The following CLASP2 variants were observed in gnomAD, a reference collection of about 807,000 sequenced individuals.
CLASP2 encodes CLIP-associating protein 2.
A neutral mutation model predicts 194.4 loss-of-function variants in CLASP2; 47 were observed. That is an observed-to-expected ratio of 0.24 (90% CI 0.19 to 0.31). The LOEUF (loss-of-function observed/expected upper bound fraction) is 0.31. CLASP2 is among the 10% of genes least tolerant of loss of function. The probability of loss-of-function intolerance (pLI) is 1.00; values close to 1 mark genes in which losing one functional copy is unlikely to be tolerated. For synonymous variants in CLASP2, 619 were observed against 633.5 expected, an observed-to-expected ratio of 0.98 and a Z score of 0.34; for missense variants, 1,445 against 1,823.6, an observed-to-expected ratio of 0.79 and a Z score of 3.78.
At chr3:33,697,219 C>T (rs2092001943) in intron 1 of CLASP2, among the ~76,000 whole-genome samples, 1 of 152,160 alleles carries the variant, frequency 6.6e-6, no homozygotes, top group South Asian at 2.1e-4. Context: ...TTTACTGACT[C>T]TACAGTCATG....
intron 33 of CLASP2, among the ~76,000 whole-genome samples, chr3:33,537,641 TCTTA>T (rs375133379): frequency 4.9e-4 from 74 of 152,326 alleles, no homozygotes; most frequent in African/African-American, 1.5e-3. Flanking sequence ...GTTATAACAT[TCTTA>T]CTTAAGTGTA....
At chr3:33,576,497 C>G in intron 23 of CLASP2, 4 of 474,524 alleles carry the variant, frequency 8.4e-6, no homozygotes. Context: ...AGAACGGTCA[C>G]TATTCATTTA....
At chr3:33,525,086 C>T (rs997710379) in intron 34 of CLASP2, among the ~76,000 whole-genome samples, 1 of 152,232 alleles carries the variant, frequency 6.6e-6, no homozygotes, top group South Asian at 2.1e-4. Context: ...TCTTCTCCCA[C>T]CACATGATGA....
intron 13 of CLASP2, among the ~76,000 whole-genome samples, chr3:33,610,144 A>G (rs937458786): frequency 1.3e-5 from 2 of 152,230 alleles, no homozygotes; most frequent in East Asian, 3.8e-4. Context: ...GAATTATAAC[A>G]ACTCCTATCT....
chr3:33,581,965 G>T, intron 22 of CLASP2, 37 bp from the exon 23 acceptor site: 1 of 1,427,808 alleles, frequency 7.0e-7, no homozygotes, highest in Non-Finnish European at 9.9e-7. Flanking sequence ...CAGTAAGGGA[G>T]AAAACAGAAC....
At chr3:33,615,172 C>T (rs924242651) in intron 12 of CLASP2, among the ~76,000 whole-genome samples, 2 of 151,752 alleles carry the variant, frequency 1.3e-5, no homozygotes, top group Non-Finnish European at 2.9e-5. Flanking sequence ...AGGGAAGTGA[C>T]AGTATACCAA....
chr3:33,712,622 G>A (rs1485618877), intron 1 of CLASP2, among the ~76,000 whole-genome samples: 8 of 152,188 alleles, frequency 5.3e-5, no homozygotes, highest in South Asian at 2.1e-4. Flanking sequence ...ATGAGGTTCC[G>A]AATTTAGAGT....
At chr3:33,639,556 T>C (rs544655593) in intron 8 of CLASP2, among the ~76,000 whole-genome samples, 24 of 152,286 alleles carry the variant, frequency 1.6e-4, no homozygotes, top group African/African-American at 5.3e-4. Context: ...GCACAGGAAG[T>C]AAAACAAAAT....
intron 12 of CLASP2, 104 bp downstream of exon 12, chr3:33,619,499 T>C (rs764233535): frequency 1.1e-5 from 11 of 973,810 alleles, no homozygotes; most frequent in Non-Finnish European, 1.6e-5. Context: ...ATGACTTACA[T>C]TGAGAGAGAG....
At chr3:33,717,608 G>T (rs2093358193) in intron 1 of CLASP2, among the ~76,000 whole-genome samples, 200 bp downstream of exon 1, 1 of 152,064 alleles carries the variant, frequency 6.6e-6, no homozygotes, top group Non-Finnish European at 1.5e-5. Flanking sequence ...TGTATTTTTA[G>T]TAGAGACGGG....
At chr3:33,584,970 T>C in intron 21 of CLASP2, 50 bp from the exon 22 acceptor site, 1 of 1,513,038 alleles carries the variant, frequency 6.6e-7, no homozygotes, top group East Asian at 2.3e-5. Flanking sequence ...GCCAAGAGAA[T>C]TTGCTGAAAG....
chr3:33,643,128 A>G (rs1009334195), intron 8 of CLASP2, among the ~76,000 whole-genome samples: 1 of 151,944 alleles, frequency 6.6e-6, no homozygotes, highest in African/African-American at 2.4e-5. Context: ...ATCTGATTAT[A>G]TCAATATGAT....
Position 33,538,782 on chromosome 3 carries a change from T to C in CLASP2, c.3558+7A>G. On this transcript the variant is annotated splice_region_variant and intron_variant, in intron 33 of 38. Coordinates refer to ENST00000682230, the MANE Select transcript of CLASP2 (RefSeq NM_001365631.1). ...AGTCTGGAAAGTAAGGATATTAAAA[T>C]ACTTACTGAATCGCCATCATCTTTT... 6.4e-7 allele frequency: 1 copy of C among 1,561,260 alleles called. No individual in the cohort carries two copies. The highest frequency in any genetic ancestry group is 1.4e-5 in the African/African-American group (1 of 72,716).
intron 1 of CLASP2, among the ~76,000 whole-genome samples, chr3:33,699,058 A>T (rs1204027481): frequency 6.6e-6 from 1 of 152,258 alleles, no homozygotes; most frequent in Non-Finnish European, 1.5e-5. Flanking sequence ...ATAATTTTTT[A>T]AATGCATTAA....
chr3:33,583,216 T>C (rs1442029840), intron 22 of CLASP2, among the ~76,000 whole-genome samples: 1 of 152,184 alleles, frequency 6.6e-6, no homozygotes, highest in African/African-American at 2.4e-5. Flanking sequence ...GCATATTTCC[T>C]TTCAGCAATA....
At chr3:33,623,115 T>G (rs2077379123) in intron 10 of CLASP2, among the ~76,000 whole-genome samples, 1 of 152,146 alleles carries the variant, frequency 6.6e-6, no homozygotes, top group Non-Finnish European at 1.5e-5. Flanking sequence ...ATTTTTAATT[T>G]CTTACATTTT....
chr3:33,563,970 T>A (rs1381857900), intron 27 of CLASP2: 1 of 450,332 alleles, frequency 2.2e-6, no homozygotes, highest in Non-Finnish European at 4.4e-6. Flanking sequence ...TGACTCTCTA[T>A]AGAATTTACT....
In CLASP2 at chr3:33,606,776, A is replaced by G; in HGVS notation, c.1527-18T>C. 1 of 1,567,936 alleles carries G rather than the reference A, an allele frequency of 6.4e-7. No homozygotes were observed. The highest frequency in any genetic ancestry group is 2.2e-5 in the East Asian group (1 of 44,656). On this transcript the variant is annotated intron_variant, in intron 15 of 38. Coordinates refer to ENST00000682230, the MANE Select transcript of CLASP2 (RefSeq NM_001365631.1). The stretch of plus-strand genomic sequence containing the variant: ...TGTATGTCCTGTTAAAAAAAAAGAA[A>G]AGCAGATGAAGTAATAGCTTTACAT...
At chr3:33,673,596 T>G (rs959436283) in intron 6 of CLASP2, among the ~76,000 whole-genome samples, 2 of 152,022 alleles carry the variant, frequency 1.3e-5, no homozygotes, top group African/African-American at 2.4e-5. Flanking sequence ...ATAACAATAT[T>G]AACTTTAAAT....
Sources: gnomAD v4.1 joint callset for allele counts (sites outside exome capture counted in the v4.1 genomes callset) on GRCh38, gnomAD v4.1.1 for gene constraint, MANE v1.5 for transcripts, NCBI Gene and HGNC (gene_info 2026-07-23, HGNC 2026-07-21) for gene names.